ROBO2: variants seen among roughly 807,000 people sequenced by gnomAD.
ROBO2 encodes roundabout homolog 2.
Under a neutral mutation model 160.8 loss-of-function variants are expected in ROBO2, and 53 were observed. The observed-to-expected ratio is 0.33, with a 90% CI of 0.26 to 0.41. The LOEUF is 0.41. Among genes scored for constraint, ROBO2 ranks in the 10% least tolerant of loss-of-function variants. The probability of loss-of-function intolerance (pLI) is 1.00; values close to 1 mark genes in which losing one functional copy is unlikely to be tolerated. For missense variants in ROBO2, 1,577 were observed against 1,722.4 expected (o/e 0.92, Z 1.49); for synonymous variants, 664 against 611.7 (o/e 1.09, Z -1.26).
intron 2 of ROBO2, among the ~76,000 whole-genome samples, chr3:76,147,444 C>T (rs746258081): frequency 6.6e-6 from 1 of 151,714 alleles, no homozygotes; most frequent in African/African-American, 2.4e-5. Context: ...TCTTATATTA[C>T]AATCTTTATT....
intron 2 of ROBO2, among the ~76,000 whole-genome samples, chr3:77,183,366 T>C (rs2080977424): frequency 2.0e-5 from 3 of 152,008 alleles, no homozygotes; most frequent in Admixed American, 1.3e-4. Context: ...TTCTAAACCC[T>C]AGTGTCTCAG....
chr3:76,180,142 A>C (rs17140442), intron 2 of ROBO2, among the ~76,000 whole-genome samples: 1 of 152,122 alleles, frequency 6.6e-6, no homozygotes, highest in East Asian at 1.9e-4. Flanking sequence ...GTTATTGTGA[A>C]TGCCCCAACA....
chr3:77,611,142 C>T (rs2153698422), intron 21 of ROBO2, among the ~76,000 whole-genome samples: 1 of 151,878 alleles, frequency 6.6e-6, no homozygotes, highest in Non-Finnish European at 1.5e-5. Context: ...ACTAAAAATA[C>T]AAAAAATTAG....
chr3:76,315,849 C>T (rs2071974208), intron 2 of ROBO2, among the ~76,000 whole-genome samples: 1 of 152,086 alleles, frequency 6.6e-6, no homozygotes, highest in Admixed American at 6.5e-5. Flanking sequence ...AACCAGCCCC[C>T]AGTATTTCAA....
intron 2 of ROBO2, among the ~76,000 whole-genome samples, chr3:76,664,206 T>C (rs2091934677): frequency 6.6e-6 from 1 of 152,180 alleles, no homozygotes; most frequent in South Asian, 2.1e-4. Context: ...ATGTCTATTC[T>C]AATTGTCTAA....
At chr3:76,321,325 G>A (rs1344700078) in intron 2 of ROBO2, among the ~76,000 whole-genome samples, 1 of 152,096 alleles carries the variant, frequency 6.6e-6, no homozygotes, top group Non-Finnish European at 1.5e-5. Context: ...GACCATCCTG[G>A]TCAACATGGT....
chr3:76,229,253 T>G lies in ROBO2; in HGVS notation c.109+291651T>G, dbSNP rs528090792. Among the ~76,000 whole-genome samples, 9 of 152,320 alleles carry G rather than the reference T, an allele frequency of 5.9e-5. 1 individual carries two copies. The highest frequency in any genetic ancestry group is 2.1e-4 in the South Asian group (1 of 4,832). On this transcript the variant is annotated intron_variant, in intron 2 of 26. Coordinates refer to the ROBO2 transcript ENST00000487694. ...ATCTCAGTGTTGCAAACCAGAATTTTTATTTGCCTTTTACATTATTTGCAA... is the reference window on the plus strand; with the variant it reads ...ATCTCAGTGTTGCAAACCAGAATTTGTATTTGCCTTTTACATTATTTGCAA...
At chr3:77,071,636 T>C (rs1162588574) in intron 1 of ROBO2, among the ~76,000 whole-genome samples, 1 of 152,122 alleles carries the variant, frequency 6.6e-6, no homozygotes. Context: ...CAGAATCCAT[T>C]TGAGGGGAAG....
chr3:76,853,364 A>T (rs1378093690), intron 2 of ROBO2, among the ~76,000 whole-genome samples: 1 of 152,122 alleles, frequency 6.6e-6, no homozygotes, highest in Non-Finnish European at 1.5e-5. Flanking sequence ...ACATGGATTT[A>T]TTCTAAGACT....
chr3:76,911,579 T>G (rs2075994641), intron 2 of ROBO2, among the ~76,000 whole-genome samples: 1 of 152,188 alleles, frequency 6.6e-6, no homozygotes, highest in South Asian at 2.1e-4. Flanking sequence ...ATAAAGTGTG[T>G]CAGCAGTTCC....
At chr3:77,505,909 G>A (rs889299734) in intron 5 of ROBO2, among the ~76,000 whole-genome samples, 1 of 152,018 alleles carries the variant, frequency 6.6e-6, no homozygotes, top group Non-Finnish European at 1.5e-5. Context: ...AAAAATAATG[G>A]CATAAACTAA....
intron 2 of ROBO2, among the ~76,000 whole-genome samples, chr3:77,465,274 G>A (rs1369097984): frequency 5.3e-5 from 8 of 152,116 alleles, no homozygotes; most frequent in Non-Finnish European, 1.0e-4. Flanking sequence ...AGACTTTCTG[G>A]TAAATCTTAT....
At chr3:77,426,071 T>C (rs2078172723) in intron 2 of ROBO2, among the ~76,000 whole-genome samples, 1 of 151,838 alleles carries the variant, frequency 6.6e-6, no homozygotes, top group African/African-American at 2.4e-5. Flanking sequence ...TGTATTGAGG[T>C]TGGATTGGGA....
At chr3:77,222,359 G>T (rs1389762007) in intron 2 of ROBO2, among the ~76,000 whole-genome samples, 2 of 152,160 alleles carry the variant, frequency 1.3e-5, no homozygotes, top group African/African-American at 4.8e-5. Context: ...GGTGTGTGTT[G>T]TTTCCCCAGT....
chr3:76,974,131 T>C (rs1026247201), intron 2 of ROBO2, among the ~76,000 whole-genome samples: 31 of 152,204 alleles, frequency 2.0e-4, no homozygotes, highest in African/African-American at 7.5e-4. Context: ...AAATTATCTT[T>C]TATTTGAAGG....
intron 2 of ROBO2, among the ~76,000 whole-genome samples, chr3:76,440,243 T>G (rs981072685): frequency 6.6e-6 from 1 of 152,102 alleles, no homozygotes; most frequent in Non-Finnish European, 1.5e-5. Context: ...AGTACTTTTT[T>G]TATTTTATTT....
At chr3:77,298,877 G>A (rs552459999) in intron 2 of ROBO2, among the ~76,000 whole-genome samples, 54 of 152,238 alleles carry the variant, frequency 3.5e-4, no homozygotes, top group Admixed American at 1.3e-3. Flanking sequence ...AGATATACGT[G>A]TACAGAATTA....
At chr3:77,246,316 A>AGTCTAC (rs201224255) in intron 2 of ROBO2, among the ~76,000 whole-genome samples, 1 of 116,428 alleles carries the variant, frequency 8.6e-6, no homozygotes, top group Non-Finnish European at 1.8e-5. Context: ...AACTACTGAG[A>AGTCTAC]GTGTATGTGT....
chr3:77,145,689 G>A (rs1177150107), intron 2 of ROBO2, among the ~76,000 whole-genome samples: 1 of 151,976 alleles, frequency 6.6e-6, no homozygotes. Context: ...GATAATCGAT[G>A]GAAAGACTTG....
Sources: gnomAD v4.1 joint callset for allele counts (sites outside exome capture counted in the v4.1 genomes callset) on GRCh38, gnomAD v4.1.1 for gene constraint, MANE v1.5 for transcripts, NCBI Gene and HGNC (gene_info 2026-07-23, HGNC 2026-07-21) for gene names.